EYA1: variants seen among roughly 807,000 people sequenced by gnomAD.
EYA1 encodes EYA transcriptional coactivator and phosphatase 1, also known as protein phosphatase EYA1.
EYA1 carries 16 observed loss-of-function variants against 82.0 expected under a neutral mutation model. That is an observed-to-expected ratio of 0.20 (90% CI 0.13 to 0.30). The LOEUF (loss-of-function observed/expected upper bound fraction) is 0.30, where lower values mean the gene tolerates loss of function less well. Ranked by LOEUF, EYA1 falls within the 10% of genes least tolerant of loss-of-function variation. The probability of loss-of-function intolerance (pLI) is 1.00; values close to 1 mark genes in which losing one functional copy is unlikely to be tolerated. For missense variants in EYA1, 633 were observed against 730.7 expected (o/e 0.87, Z 1.54); for synonymous variants, 261 against 264.4 (o/e 0.99, Z 0.12).
At position 71,197,949 on chromosome 8, in the gene EYA1, C is replaced by T. The variant is rs543035675; in HGVS notation, c.*1391G>A. On this transcript the variant is annotated 3_prime_UTR_variant, in exon 18 of 18. Transcript: ENST00000340726. ...GATGCCTGTCATGTAGTACATAATG[C>T]AGGTGGAGAGGAACGTTGTTTCCAT... 8 of 152,118 alleles carry T rather than the reference C, an allele frequency of 5.3e-5. No homozygotes were observed. Among genetic ancestry groups the T allele is most frequent in the Admixed American group, 2.0e-4 (3 of 15,268 alleles). The allele number at this position is 152,118 out of a possible 1,614,324, so 9.4% of individuals were successfully genotyped here.
chr8:71,439,874 T>C (rs1685030138), intron 2 of EYA1, among the ~76,000 whole-genome samples: 1 of 152,106 alleles, frequency 6.6e-6, no homozygotes, highest in Admixed American at 6.6e-5. Flanking sequence ...GACTACAGGG[T>C]AATTATGAGC....
intron 3 of EYA1, among the ~76,000 whole-genome samples, chr8:71,339,558 GCCCTTCCACACCAACTATTT>G (rs879359546): frequency 6.6e-6 from 1 of 150,956 alleles, no homozygotes; most frequent in Non-Finnish European, 1.5e-5. Context: ...ACCATCTTTG[GCCCTTCCACACCAACTATTT>G]CCCTTCCACA....
intron 2 of EYA1, among the ~76,000 whole-genome samples, chr8:71,446,480 A>T (rs897974399): frequency 3.3e-5 from 5 of 152,120 alleles, no homozygotes; most frequent in African/African-American, 7.2e-5. Flanking sequence ...CTCTGTTTAA[A>T]ATTACCCAGT....
intron 7 of EYA1, among the ~76,000 whole-genome samples, chr8:71,305,646 C>CAAATAACT (rs1554544230): frequency 1.4e-5 from 2 of 146,698 alleles, no homozygotes; most frequent in African/African-American, 5.1e-5. Context: ...AACTCTATCT[C>CAAATAACT]AAATAAATAA....
At chr8:71,218,667 G>A (rs1374493993) in intron 12 of EYA1, among the ~76,000 whole-genome samples, 1 of 152,110 alleles carries the variant, frequency 6.6e-6, no homozygotes, top group African/African-American at 2.4e-5. Context: ...ACGTGGTTGG[G>A]AACTTCTCAT....
intron 3 of EYA1, among the ~76,000 whole-genome samples, chr8:71,340,839 G>A (rs4737316): frequency 0.3 from 46,018 of 151,798 alleles, 8,313 homozygotes; most frequent in East Asian, 0.7. Context: ...TTTGGCTTGC[G>A]TTGAAATTCA....
At chr8:71,300,463 T>A (rs1189849248) in intron 7 of EYA1, among the ~76,000 whole-genome samples, 3 of 152,136 alleles carry the variant, frequency 2.0e-5, no homozygotes, top group Non-Finnish European at 1.5e-5. Context: ...TGGCGAAAAT[T>A]TTTTTAAGAA....
At chr8:71,387,391 C>G (rs530654729) in intron 2 of EYA1, among the ~76,000 whole-genome samples, 1 of 152,182 alleles carries the variant, frequency 6.6e-6, no homozygotes, top group African/African-American at 2.4e-5. Flanking sequence ...ATAGACCATT[C>G]TAGTTGCAAT....
chr8:71,214,352 A>G (rs1808909713), intron 16 of EYA1, among the ~76,000 whole-genome samples: 2 of 151,982 alleles, frequency 1.3e-5, no homozygotes, highest in Non-Finnish European at 1.5e-5. Context: ...ACACATTTTA[A>G]TTTCTCTGTC....
intron 2 of EYA1, among the ~76,000 whole-genome samples, chr8:71,500,728 T>C (rs1213772707): frequency 6.6e-6 from 1 of 152,188 alleles, no homozygotes; most frequent in Non-Finnish European, 1.5e-5. Flanking sequence ...CATTTCATTA[T>C]CATTTCACTA....
intron 2 of EYA1, among the ~76,000 whole-genome samples, chr8:71,355,973 A>G (rs922940858): frequency 2.0e-5 from 3 of 152,186 alleles, no homozygotes; most frequent in Admixed American, 6.5e-5. Flanking sequence ...TTTTTCTAAG[A>G]AAAAAGATGG....
intron 2 of EYA1, among the ~76,000 whole-genome samples, chr8:71,517,965 T>A (rs1813102865): frequency 6.6e-6 from 1 of 151,858 alleles, no homozygotes; most frequent in Admixed American, 6.6e-5. Context: ...CATAAATTCT[T>A]CATCAGTAAA....
At chr8:71,463,448 A>G (rs1301170164) in intron 2 of EYA1, among the ~76,000 whole-genome samples, 1 of 152,258 alleles carries the variant, frequency 6.6e-6, no homozygotes, top group Non-Finnish European at 1.5e-5. Flanking sequence ...AGAAAGCTTC[A>G]TGTATCATGA....
At chr8:71,508,138 C>T (rs1812327501) in intron 2 of EYA1, among the ~76,000 whole-genome samples, 1 of 152,186 alleles carries the variant, frequency 6.6e-6, no homozygotes, top group Non-Finnish European at 1.5e-5. Context: ...TGTGCTTCTG[C>T]ACTTTCTCCT....
At chr8:71,298,381 G>C (rs1039717267) in intron 9 of EYA1, among the ~76,000 whole-genome samples, 3 of 152,142 alleles carry the variant, frequency 2.0e-5, no homozygotes, top group Admixed American at 2.0e-4. Flanking sequence ...TATAGGAAAC[G>C]TTAAGTAAAG....
At chr8:71,500,885 C>A (rs950424955) in intron 2 of EYA1, among the ~76,000 whole-genome samples, 4 of 152,124 alleles carry the variant, frequency 2.6e-5, no homozygotes, top group African/African-American at 9.7e-5. Flanking sequence ...TCTTCATAAT[C>A]TTTACATTTT....
At chr8:71,280,128 G>A (rs1426658798) in intron 9 of EYA1, among the ~76,000 whole-genome samples, 1 of 152,178 alleles carries the variant, frequency 6.6e-6, no homozygotes, top group Non-Finnish European at 1.5e-5. Flanking sequence ...CCAGGTCTGG[G>A]TCCCTGGGCG....
intron 3 of EYA1, among the ~76,000 whole-genome samples, chr8:71,340,317 T>C (rs1264510847): frequency 6.6e-6 from 1 of 152,218 alleles, no homozygotes; most frequent in Non-Finnish European, 1.5e-5. Context: ...CAAATAGTAA[T>C]TTGCAAGAAT....
At position 71,304,124 on chromosome 8, in the gene EYA1, A is replaced by T. The variant is rs914768193; in HGVS notation, c.557-4404T>A. The stretch of plus-strand genomic sequence containing the variant: ...TCAGGGATTATTTTATAATTATATT[A>T]AAAAGTGTTAGAAGCAAAATAGAAG... On this transcript the variant is annotated intron_variant, in intron 7 of 17. Coordinates refer to ENST00000340726, the MANE Select transcript of EYA1 (RefSeq NM_000503.6). 2.1e-5 allele frequency among the ~76,000 whole-genome samples: 3 copies of T among 142,938 alleles called. 1 individual carries two copies. The highest frequency in any genetic ancestry group is 4.8e-5 in the Non-Finnish European group (3 of 62,986). 93.8% of individuals were successfully genotyped at this position (142,938 alleles called of 152,430 possible).
Sources: allele counts gnomAD v4.1 joint callset (sites outside exome capture counted in the v4.1 genomes callset), GRCh38; gene constraint gnomAD v4.1.1; transcripts MANE v1.5; gene names NCBI Gene and HGNC (gene_info 2026-07-23, HGNC 2026-07-21).